The following ZNF101 variants were observed in gnomAD, a reference collection of about 807,000 sequenced individuals.
ZNF101 encodes zinc finger protein 101, also known as zinc finger protein 101 (Y2).
In ZNF101, 34 loss-of-function variants were observed where a neutral mutation model predicts 42.6. The ratio of observed to expected loss-of-function variants is 0.80; its 90% CI spans 0.61 to 1.06. The LOEUF (loss-of-function observed/expected upper bound fraction) is 1.06. Ranked by LOEUF, ZNF101 falls within the 50% of genes least tolerant of loss-of-function variation. The pLI, the probability that ZNF101 is intolerant of heterozygous loss-of-function variation, is 0.00. For missense variants in ZNF101, 466 were observed against 530.9 expected (o/e 0.88, Z 1.20); for synonymous variants, 158 against 183.9 (o/e 0.86, Z 1.14).
intron 1 of ZNF101, 146 bp from the exon 2 acceptor site, chr19:19,677,718 A>G (rs2062210332): frequency 1.8e-6 from 2 of 1,140,278 alleles, no homozygotes; most frequent in South Asian, 1.6e-5. Flanking sequence ...CGAGGGAGGA[A>G]GTGCGTGTAG....
upstream of ZNF101, chr19:19,668,818 C>G (rs1359086413): frequency 6.6e-6 from 7 of 1,064,546 alleles, no homozygotes; most frequent in Admixed American, 5.6e-5. Context: ...CCGAAGCGGT[C>G]TCATTTCCCG....
At position 19,681,325 on chromosome 19, in the gene ZNF101, A is replaced by G. The variant is rs1388579985; in HGVS notation, c.*1025A>G. On this transcript the variant is annotated 3_prime_UTR_variant, in exon 4 of 4. Coordinates refer to ENST00000592502, the MANE Select transcript of ZNF101 (RefSeq NM_033204.4). ...ATGTACAGAATATGGGGAAACTCTC[A>G]TTGCTCTCATCTCCATTCAAAGACA... is the stretch of plus-strand genomic sequence containing the variant. The G allele has an allele frequency of 1.3e-5, 2 of 152,260 alleles. No homozygotes were observed. Among genetic ancestry groups the G allele is most frequent in the Non-Finnish European group, 2.9e-5 (2 of 68,052 alleles). 9.4% of individuals were successfully genotyped at this position (152,260 alleles called of 1,614,324 possible).
At position 19,679,763 on chromosome 19, in the gene ZNF101, T is replaced by G. The variant is rs1438203096; in HGVS notation, c.774T>G (p.Cys258Trp). ...AAAAACCTTACAAATGTAAACAATG[T>G]GGTAAAGCCTTCATTTCCGCAGGTT... is the stretch of plus-strand genomic sequence containing the variant. ...TGEKPYKCKQ[C>W]GKAFISAGYL... Residue 258 changes from cysteine (C) to tryptophan (W), a missense_variant, in exon 4 of 4, where the codon TGT becomes TGG. Coordinates refer to ENST00000592502, the MANE Select transcript of ZNF101 (RefSeq NM_033204.4). 6.2e-7 allele frequency: 1 copy of G among 1,613,668 alleles called. No homozygotes were observed. The highest frequency in any genetic ancestry group is 1.3e-5 in the African/African-American group (1 of 74,918).
intron 1 of ZNF101, among the ~76,000 whole-genome samples, chr19:19,673,080 G>T (rs1395793595): frequency 6.6e-6 from 1 of 151,706 alleles, no homozygotes; most frequent in Non-Finnish European, 1.5e-5. Context: ...GAGTAGCTGG[G>T]ACTACAAGCG....
At position 19,680,319 on chromosome 19, in the gene ZNF101, A is replaced by G. The variant is rs776304693; in HGVS notation, c.*19A>G. The G allele has an allele frequency of 4.3e-6, 6 of 1,384,662 alleles. No homozygotes were observed. Among genetic ancestry groups the G allele is most frequent in the Non-Finnish European group, 5.8e-6 (6 of 1,038,018 alleles). 85.8% of individuals were successfully genotyped at this position (1,384,662 alleles called of 1,614,324 possible). A position where few individuals can be genotyped will look rare whatever the true frequency, so the allele number is the denominator to read the frequency against. On this transcript the variant is annotated 3_prime_UTR_variant, in exon 4 of 4. Coordinates refer to ENST00000592502, the MANE Select transcript of ZNF101 (RefSeq NM_033204.4). ...AGTTTGAGACCAGCCTGGGCAACAT[A>G]AGAAGGCCCCATATCGGCTGGGTAC...
intron 3 of ZNF101, 110 bp from the exon 4 acceptor site, chr19:19,679,071 A>G: frequency 6.7e-7 from 1 of 1,488,148 alleles, no homozygotes; most frequent in Non-Finnish European, 8.9e-7. Flanking sequence ...ACCCAGGAGA[A>G]AACCTCCACT....
intron 1 of ZNF101, among the ~76,000 whole-genome samples, chr19:19,670,759 A>G (rs935001800): frequency 9.9e-5 from 15 of 151,962 alleles, no homozygotes; most frequent in African/African-American, 3.6e-4. Context: ...TTTAAAAAAA[A>G]AAAAGGAAAT....
At position 19,680,353 on chromosome 19, in the gene ZNF101, A is replaced by T. The variant is rs2062233185; in HGVS notation, c.*53A>T. The T allele has an allele frequency of 5.7e-6, 6 of 1,060,846 alleles. No individual in the cohort carries two copies. Among genetic ancestry groups the T allele is most frequent in the Non-Finnish European group, 7.8e-6 (6 of 769,522 alleles). 65.7% of individuals were successfully genotyped at this position (1,060,846 alleles called of 1,614,324 possible). On this transcript the variant is annotated 3_prime_UTR_variant, in exon 4 of 4. Coordinates refer to ENST00000592502, the MANE Select transcript of ZNF101 (RefSeq NM_033204.4). The stretch of plus-strand genomic sequence containing the variant: ...CCATATCGGCTGGGTACGGTGGCTC[A>T]CGCTTGTAATCCCAGCACTTTGGGA...
At chr19:19,677,386 AAACCGTT>A (rs2062208534) in intron 1 of ZNF101, 1 of 163,514 alleles carries the variant, frequency 6.1e-6, no homozygotes, top group Non-Finnish European at 1.3e-5. Context: ...TCAATACCAT[AAACCGTT>A]TAGCCACAGT....
intron 1 of ZNF101, among the ~76,000 whole-genome samples, chr19:19,674,632 T>A (rs1287374529): frequency 1.3e-5 from 2 of 152,162 alleles, no homozygotes; most frequent in African/African-American, 4.8e-5. Context: ...TGTAGTTTTG[T>A]TTTTTGTAGT....
intron 1 of ZNF101, among the ~76,000 whole-genome samples, chr19:19,670,752 A>T (rs981885046): frequency 7.0e-6 from 1 of 142,960 alleles, no homozygotes; most frequent in Non-Finnish European, 1.5e-5. Context: ...CCCTGTCTTT[A>T]AAAAAAAAAA....
chr19:19,679,752 T>C lies in ZNF101; in HGVS notation c.763T>C (p.Cys255Arg). The C allele has an allele frequency of 1.2e-6, 2 of 1,614,000 alleles. No homozygotes were observed. Among genetic ancestry groups the C allele is most frequent in the South Asian group, 1.1e-5 (1 of 91,052 alleles). Residue 255 changes from cysteine to arginine, a missense_variant, in exon 4 of 4, where the codon TGT (cysteine) becomes CGT (arginine). By Grantham distance (180) the Cys-to-Arg change is radical. Transcript: ENST00000592502. ...TCACACTGGAGAAAAACCTTACAAA[T>C]GTAAACAATGTGGTAAAGCCTTCAT... is the stretch of plus-strand genomic sequence containing the variant. Reference protein sequence around the residue: ...RTHTGEKPYKCKQCGKAFISA... With the variant: ...RTHTGEKPYKRKQCGKAFISA...
At chr19:19,675,218 A>G (rs1288378081) in intron 1 of ZNF101, among the ~76,000 whole-genome samples, 1 of 151,644 alleles carries the variant, frequency 6.6e-6, no homozygotes, top group African/African-American at 2.4e-5. Flanking sequence ...GCTCACTGCA[A>G]CCTCCGCCTC....
chr19:19,668,418 C>A (rs933389412), upstream of ZNF101, among the ~76,000 whole-genome samples: 1 of 152,024 alleles, frequency 6.6e-6, no homozygotes, highest in Non-Finnish European at 1.5e-5. Context: ...CTGGAACTGT[C>A]TGCCGGTTCA....
chr19:19,680,057 TAAAA>T lies in ZNF101; in HGVS notation c.1072_1075del (p.Lys358LeufsTer28), dbSNP rs769830038. ...ATTATCCCAGTTGTTTTCGAAGACA[TAAAA>T]AAACTCATAGTGGAGAAAAGCCATA... On this transcript the variant is annotated frameshift_variant, in exon 4 of 4. Transcript: ENST00000592502. LOFTEE classifies it high-confidence loss of function. 4.3e-6 allele frequency: 7 copies of T among 1,613,818 alleles called. No individual in the cohort carries two copies. The highest frequency in any genetic ancestry group is 1.7e-5 in the Admixed American group (1 of 59,962).
At chr19:19,677,037 C>T (rs985510182) in intron 1 of ZNF101, 2 of 152,180 alleles carry the variant, frequency 1.3e-5, no homozygotes, top group African/African-American at 2.4e-5. Flanking sequence ...TTACTCCATA[C>T]TGCTTTGACA....
At chr19:19,677,767 T>G (rs779165607) in intron 1 of ZNF101, 97 bp from the exon 2 acceptor site, 6 of 1,510,676 alleles carry the variant, frequency 4.0e-6, no homozygotes, top group African/African-American at 1.4e-5. Flanking sequence ...GAGTGAGTGT[T>G]TGGAGAGCCC....
upstream of ZNF101, among the ~76,000 whole-genome samples, chr19:19,668,503 G>A (rs1441255058): frequency 6.6e-6 from 1 of 152,030 alleles, no homozygotes; most frequent in South Asian, 2.1e-4. Flanking sequence ...GGGGGGAGTT[G>A]TGTGGCGGTC....
rs766426467 is a variant in ZNF101 at position 19,679,936 on chromosome 19, C to G, written c.947C>G (p.Ala316Gly). The change falls in exon 4 of 4, where the codon GCC (alanine) becomes GGC (glycine). Residue 316 changes from alanine to glycine, a missense_variant. By Grantham distance (60) the Ala-to-Gly change is moderately conservative. Coordinates refer to ENST00000592502, the MANE Select transcript of ZNF101 (RefSeq NM_033204.4). ...AAACTCTACGAATGTCAAAAATGTG[C>G]CAAAGTCTTTAGATGTCCCACGTCC... ...GGKLYECQKC[A>G]KVFRCPTSLQ... 4.3e-6 allele frequency: 7 copies of G among 1,613,988 alleles called. No individual in the cohort carries two copies. The highest frequency in any genetic ancestry group is 5.9e-6 in the Non-Finnish European group (7 of 1,179,998).
Sources: gnomAD v4.1 joint callset for allele counts (sites outside exome capture counted in the v4.1 genomes callset) on GRCh38, gnomAD v4.1.1 for gene constraint, MANE v1.5 for transcripts, NCBI Gene and HGNC (gene_info 2026-07-23, HGNC 2026-07-21) for gene names.